The following MECOM variants were observed in gnomAD, a reference collection of about 807,000 sequenced individuals.
The protein encoded by MECOM is histone-lysine N-methyltransferase MECOM.
Under a neutral mutation model 116.3 loss-of-function variants are expected in MECOM, and 13 were observed. The observed-to-expected ratio is 0.11, with a 90% CI of 0.07 to 0.18. The LOEUF (loss-of-function observed/expected upper bound fraction) is 0.18. MECOM is among the 10% of genes least tolerant of loss of function. MECOM has a pLI of 1.00. For missense variants in MECOM, 1,299 were observed against 1,509.0 expected, an observed-to-expected ratio of 0.86 and a Z score of 2.31; for synonymous variants, 528 against 535.2, an observed-to-expected ratio of 0.99 and a Z score of 0.19.
intron 1 of MECOM, among the ~76,000 whole-genome samples, chr3:169,604,750 G>A (rs1382097613): frequency 6.6e-6 from 1 of 152,152 alleles, no homozygotes; most frequent in Non-Finnish European, 1.5e-5. Flanking sequence ...GGGACTTGCA[G>A]GGCATCCTTC....
In MECOM at chr3:169,084,959, C is replaced by A; in HGVS notation, c.3670G>T (p.Ala1224Ser). ...HSSSNVWHSM[A>S]RAAAESSAIQ... ...GCACTGGATTCCGCCGCAGCCCTGG[C>A]CATACTGTGCCACACGTTGGAAGAA... The change falls in exon 17 of 17, where the codon GCC becomes TCC. Residue 1224 changes from alanine (A) to serine (S), a missense_variant. Physicochemically the swap from Ala to Ser is moderately conservative, Grantham distance 99 (BLOSUM62 1). Coordinates refer to ENST00000651503, the MANE Select transcript of MECOM (RefSeq NM_004991.4). 1.2e-6 allele frequency: 2 copies of A among 1,614,080 alleles called. No homozygotes were observed. Among genetic ancestry groups the A allele is most frequent in the Non-Finnish European group, 1.7e-6 (2 of 1,180,004 alleles).
intron 1 of MECOM, among the ~76,000 whole-genome samples, chr3:169,536,948 C>T (rs1005073006): frequency 2.0e-5 from 3 of 152,068 alleles, no homozygotes; most frequent in Non-Finnish European, 4.4e-5. Flanking sequence ...GATGGGGAAA[C>T]TGCAGCTCTG....
At chr3:169,424,725 T>C (rs996833479) in intron 1 of MECOM, among the ~76,000 whole-genome samples, 6 of 152,114 alleles carry the variant, frequency 3.9e-5, no homozygotes, top group Admixed American at 2.0e-4. Context: ...GAAACAGACA[T>C]TGTAAATGAA....
intron 1 of MECOM, among the ~76,000 whole-genome samples, chr3:169,384,295 C>T (rs170335): frequency 0.18 from 26,683 of 152,072 alleles, 2,842 homozygotes; most frequent in East Asian, 0.25. Context: ...ACCTTTAAAC[C>T]TGTAGAAATA....
At chr3:169,409,328 A>G (rs918546214) in intron 1 of MECOM, among the ~76,000 whole-genome samples, 1 of 152,230 alleles carries the variant, frequency 6.6e-6, no homozygotes, top group Non-Finnish European at 1.5e-5. Context: ...TCCCTTCAGG[A>G]ATTTGAAAAT....
At chr3:169,095,745 T>G (rs1351469279) in intron 12 of MECOM, among the ~76,000 whole-genome samples, 1 of 152,212 alleles carries the variant, frequency 6.6e-6, no homozygotes, top group Non-Finnish European at 1.5e-5. Context: ...TAGCAATCAA[T>G]ATTTTAGACT....
chr3:169,541,752 C>T (rs185242895), intron 1 of MECOM, among the ~76,000 whole-genome samples: 1 of 149,666 alleles, frequency 6.7e-6, no homozygotes, highest in East Asian at 2.1e-4. Flanking sequence ...CTGGCCAGCA[C>T]ACCTCTTATC....
At chr3:169,407,217 A>G (rs1736850569) in intron 1 of MECOM, among the ~76,000 whole-genome samples, 1 of 152,160 alleles carries the variant, frequency 6.6e-6, no homozygotes, top group Non-Finnish European at 1.5e-5. Flanking sequence ...AATGACAAAT[A>G]AACTCATTAA....
In MECOM at chr3:169,134,062, T is replaced by C. The variant is rs1449349367; in HGVS notation, c.511-2531A>G. The C allele has an allele frequency of 4.5e-6, 3 of 663,780 alleles. No individual in the cohort carries two copies. In the African/African-American group the frequency reaches 5.7e-5, roughly 13 times the overall value. 41.1% of individuals were successfully genotyped at this position (663,780 alleles called of 1,614,324 possible). On this transcript the variant is annotated intron_variant, in intron 3 of 16. Transcript: ENST00000651503. ...AATACCCTACAAGACAGTAAAACAG[T>C]GCAATTGTCTCTATTGGGGAATACT... is the stretch of plus-strand genomic sequence containing the variant.
chr3:169,605,093 G>A (rs535182358), intron 1 of MECOM, among the ~76,000 whole-genome samples: 2 of 152,262 alleles, frequency 1.3e-5, no homozygotes, highest in South Asian at 2.1e-4. Context: ...AGAAAACTCT[G>A]AGTGGGAGGT....
intron 2 of MECOM, among the ~76,000 whole-genome samples, chr3:169,348,587 G>A (rs1725772290): frequency 6.6e-6 from 1 of 151,718 alleles, no homozygotes; most frequent in African/African-American, 2.4e-5. Flanking sequence ...AAAGATGAGT[G>A]GTATTAACAC....
At chr3:169,568,969 A>C (rs1763569894) in intron 1 of MECOM, among the ~76,000 whole-genome samples, 1 of 152,228 alleles carries the variant, frequency 6.6e-6, no homozygotes, top group Non-Finnish European at 1.5e-5. Flanking sequence ...TCATAATGAC[A>C]GGATCAAATT....
intron 2 of MECOM, among the ~76,000 whole-genome samples, chr3:169,218,564 G>A (rs868631964): frequency 6.6e-6 from 1 of 152,142 alleles, no homozygotes; most frequent in Non-Finnish European, 1.5e-5. Context: ...GGTGAGGCAG[G>A]GGGAGGCAGA....
chr3:169,360,290 TAAAAAAA>T (rs1203615730), intron 2 of MECOM, among the ~76,000 whole-genome samples: 23 of 29,524 alleles, frequency 7.8e-4, no homozygotes, highest in African/African-American at 1.5e-3. Flanking sequence ...TAAAGTATAA[TAAAAAAA>T]AAAAAAAAAA....
chr3:169,403,237 T>C (rs547592779), intron 1 of MECOM, among the ~76,000 whole-genome samples: 1 of 152,328 alleles, frequency 6.6e-6, no homozygotes, highest in African/African-American at 2.4e-5. Flanking sequence ...CCAAAGGAGA[T>C]CTGATCCTTC....
intron 2 of MECOM, among the ~76,000 whole-genome samples, chr3:169,243,986 A>G (rs1408000601): frequency 1.3e-5 from 2 of 152,212 alleles, no homozygotes; most frequent in African/African-American, 4.8e-5. Flanking sequence ...AGTATTTACA[A>G]GGCTTCTGCA....
At chr3:169,406,178 G>T (rs987069408) in intron 1 of MECOM, among the ~76,000 whole-genome samples, 1 of 152,128 alleles carries the variant, frequency 6.6e-6, no homozygotes, top group African/African-American at 2.4e-5. Flanking sequence ...AACAACTCAG[G>T]ATATTCAACC....
chr3:169,433,767 A>T (rs1742167682), intron 1 of MECOM, among the ~76,000 whole-genome samples: 2 of 152,218 alleles, frequency 1.3e-5, no homozygotes, highest in Admixed American at 1.3e-4. Flanking sequence ...GTGAAAAATC[A>T]TCTAGAGTGC....
intron 1 of MECOM, among the ~76,000 whole-genome samples, chr3:169,472,725 GGGAAGGAAGGAA>G (rs139566154): frequency 4.2e-4 from 51 of 121,702 alleles, no homozygotes; most frequent in East Asian, 2.6e-3. Flanking sequence ...GGGAGGGAGG[GGGAAGGAAGGAA>G]GGAAGGAAGG....
Sources: allele counts gnomAD v4.1 joint callset (sites outside exome capture counted in the v4.1 genomes callset), GRCh38; gene constraint gnomAD v4.1.1; transcripts MANE v1.5; gene names NCBI Gene and HGNC (gene_info 2026-07-23, HGNC 2026-07-21).